ADCY8: variants seen among roughly 807,000 people sequenced by gnomAD.
ADCY8 encodes the protein adenylate cyclase type 8.
Under a neutral mutation model 119.7 loss-of-function variants are expected in ADCY8, and 51 were observed. The ratio of observed to expected loss-of-function variants is 0.43; its 90% confidence interval spans 0.34 to 0.54. ADCY8 has a LOEUF of 0.54. Among genes scored for constraint, ADCY8 ranks in the 20% least tolerant of loss-of-function variants. ADCY8 has a pLI of 0.03. For synonymous variants in ADCY8, 665 were observed against 651.0 expected (o/e 1.02, Z -0.33); for missense variants, 1,383 against 1,598.8 (o/e 0.87, Z 2.30).
chr8:130,913,342 A>G (rs894550201), intron 5 of ADCY8, among the ~76,000 whole-genome samples: 3 of 151,612 alleles, frequency 2.0e-5, no homozygotes, highest in Non-Finnish European at 4.4e-5. Flanking sequence ...CTAACCCCCC[A>G]CTACCCTTCC....
In ADCY8 at chr8:130,993,271, A is replaced by G. The variant is rs550923405; in HGVS notation, c.961-2729T>C. The stretch of plus-strand genomic sequence containing the variant: ...TCAGAAATACATAAAAATTCTGAAC[A>G]TCTACACATTTAATAGCACAGCCTC... On this transcript the variant is annotated intron_variant, in intron 1 of 17. Transcript: ENST00000286355. 3.1e-4 allele frequency among the ~76,000 whole-genome samples: 47 copies of G among 152,348 alleles called. 3 individuals are homozygous for G. The South Asian group carries it at 9.5e-3, about 31-fold the overall frequency.
chr8:130,780,689 T>A lies in ADCY8; in HGVS notation c.3457A>T (p.Ile1153Phe), dbSNP rs747285184. 1.2e-6 allele frequency: 2 copies of A among 1,614,030 alleles called. No individual in the cohort carries two copies. The highest frequency in any genetic ancestry group is 1.1e-5 in the South Asian group (1 of 91,082). The change falls in exon 18 of 18, where the codon ATC (isoleucine) becomes TTC (phenylalanine). Residue 1153 changes from isoleucine to phenylalanine, a missense_variant. By Grantham distance (21) the Ile-to-Phe change is conservative. Around this residue, in one of 2 missense-constraint regions of ADCY8, gnomAD observed 928 missense variants for 1,163.5 expected, o/e 0.80. Transcript: ENST00000286355. ...QGFAFDYRGE[I>F]YVKGISEQEG... ...TGTTCACTGATACCCTTCACATAGATCTCCCCTCGGTAATCAAAGGCAAAG... is the reference window on the plus strand; with the variant it reads ...TGTTCACTGATACCCTTCACATAGAACTCCCCTCGGTAATCAAAGGCAAAG...
Position 131,040,309 on chromosome 8 carries a change from G to A in ADCY8, c.25C>T (p.Leu9Phe), listed in dbSNP as rs755604334. MELSDVRC[L>F]TGSEELYTIH... ...GTGTAGAGTTCCTCGCTGCCTGTAA[G>A]GCAGCGCACATCGGAGAGCTCCATG... The change falls in exon 1 of 18, where the codon CTT (leucine) becomes TTT (phenylalanine). Residue 9 changes from leucine (L) to phenylalanine (F), a missense_variant. Physicochemically the swap from Leu to Phe is conservative, Grantham distance 22. Coordinates refer to ENST00000286355, the MANE Select transcript of ADCY8 (RefSeq NM_001115.3). 7 of 1,540,812 alleles carry A rather than the reference G, an allele frequency of 4.5e-6. No individual in the cohort carries two copies. The highest frequency in any genetic ancestry group is 1.2e-5 in the South Asian group (1 of 84,578).
chr8:130,919,679 G>A (rs978602875), intron 5 of ADCY8, among the ~76,000 whole-genome samples: 7 of 152,094 alleles, frequency 4.6e-5, no homozygotes, highest in African/African-American at 1.7e-4. Flanking sequence ...AACAGACAGG[G>A]GCTGACCTAG....
intron 5 of ADCY8, among the ~76,000 whole-genome samples, chr8:130,936,831 C>T (rs532973831): frequency 5.3e-5 from 8 of 152,288 alleles, no homozygotes; most frequent in African/African-American, 1.9e-4. Context: ...TGCATCTCCA[C>T]AAGGGCATTT....
chr8:131,021,364 C>T (rs1823661676), intron 1 of ADCY8, among the ~76,000 whole-genome samples: 1 of 152,086 alleles, frequency 6.6e-6, no homozygotes, highest in African/African-American at 2.4e-5. Flanking sequence ...TGACATCTGT[C>T]TACCAGGTAG....
chr8:130,995,891 ATGT>A (rs1474871452), intron 1 of ADCY8, among the ~76,000 whole-genome samples: 1 of 152,154 alleles, frequency 6.6e-6, no homozygotes, highest in Non-Finnish European at 1.5e-5. Context: ...TACAGAGATG[ATGT>A]TTGTTTTAGC....
chr8:130,842,244 A>T (rs1328725616), intron 11 of ADCY8, among the ~76,000 whole-genome samples: 1 of 152,076 alleles, frequency 6.6e-6, no homozygotes, highest in East Asian at 1.9e-4. Context: ...TAATTTGATT[A>T]TGATGTGCCT....
chr8:131,014,045 A>G (rs907581288), intron 1 of ADCY8, among the ~76,000 whole-genome samples: 2 of 152,232 alleles, frequency 1.3e-5, no homozygotes, highest in Non-Finnish European at 2.9e-5. Flanking sequence ...ATAACTTTAC[A>G]AAGTTTCTCA....
At chr8:130,884,178 G>T (rs933822381) in intron 8 of ADCY8, among the ~76,000 whole-genome samples, 4 of 152,194 alleles carry the variant, frequency 2.6e-5, no homozygotes, top group Admixed American at 2.6e-4. Context: ...CAAGTTATTG[G>T]GTGCCCTCAT....
At chr8:130,958,790 C>CT (rs1821512002) in intron 2 of ADCY8, among the ~76,000 whole-genome samples, 1 of 152,106 alleles carries the variant, frequency 6.6e-6, no homozygotes, top group Non-Finnish European at 1.5e-5. Flanking sequence ...ACAGCCAAAC[C>CT]ATATCACACT....
At chr8:130,822,556 ATCC>A (rs1459904724) in intron 12 of ADCY8, among the ~76,000 whole-genome samples, 1 of 150,980 alleles carries the variant, frequency 6.6e-6, no homozygotes, top group Non-Finnish European at 1.5e-5. Context: ...CCATCCATCC[ATCC>A]ATCCATCCAT....
At chr8:130,897,067 C>T (rs934065479) in intron 7 of ADCY8, among the ~76,000 whole-genome samples, 1 of 152,096 alleles carries the variant, frequency 6.6e-6, no homozygotes, top group African/African-American at 2.4e-5. Context: ...AAATCTGACT[C>T]CAACTCAGTT....
At chr8:130,812,943 T>C (rs1816214780) in intron 14 of ADCY8, among the ~76,000 whole-genome samples, 1 of 148,162 alleles carries the variant, frequency 6.7e-6, no homozygotes, top group South Asian at 2.1e-4. Context: ...CAATTTACCA[T>C]CTTGATCTTT....
At position 131,040,215 on chromosome 8, in the gene ADCY8, G is replaced by C. The variant is rs1415946149; in HGVS notation, c.119C>G (p.Thr40Arg). The C allele has an allele frequency of 6.5e-7, 1 of 1,538,440 alleles. No individual in the cohort carries two copies. The highest frequency in any genetic ancestry group is 8.7e-7 in the Non-Finnish European group (1 of 1,148,724). ...CTGCTCCGTGATGTGTCGCACCGCCGTCTGCCACAGCAGCCGCTGCGGCCG... is the reference window on the plus strand; with the variant it reads ...CTGCTCCGTGATGTGTCGCACCGCCCTCTGCCACAGCAGCCGCTGCGGCCG... Reference protein sequence around the residue: ...ASRPQRLLWQTAVRHITEQRF... With the variant: ...ASRPQRLLWQRAVRHITEQRF... The change falls in exon 1 of 18, where the codon ACG becomes AGG. Residue 40 changes from threonine (T) to arginine (R), a missense_variant. Physicochemically the swap from Thr to Arg is moderately conservative, Grantham distance 71 (BLOSUM62 -1). This residue lies in a region of ADCY8 where 455 missense variants were observed against 435.3 expected (regional missense o/e 1.05). Coordinates refer to ENST00000286355, the MANE Select transcript of ADCY8 (RefSeq NM_001115.3).
intron 1 of ADCY8, among the ~76,000 whole-genome samples, chr8:131,021,630 C>T (rs1249876147): frequency 6.6e-6 from 1 of 152,092 alleles, no homozygotes; most frequent in Non-Finnish European, 1.5e-5. Flanking sequence ...GAGCAGTTAC[C>T]TTCATGATGT....
intron 8 of ADCY8, among the ~76,000 whole-genome samples, chr8:130,873,974 T>C (rs911948496): frequency 2.6e-4 from 39 of 152,276 alleles, no homozygotes; most frequent in South Asian, 1.5e-3. Context: ...GTTAAATTCA[T>C]GCATTCTGTA....
intron 1 of ADCY8, among the ~76,000 whole-genome samples, chr8:131,014,348 A>G (rs1823402810): frequency 1.3e-5 from 2 of 152,234 alleles, no homozygotes; most frequent in Non-Finnish European, 2.9e-5. Flanking sequence ...ATGCTGAGTT[A>G]TATACCTTGT....
chr8:130,987,205 T>C (rs907989883), intron 2 of ADCY8, among the ~76,000 whole-genome samples: 1 of 152,196 alleles, frequency 6.6e-6, no homozygotes, highest in African/African-American at 2.4e-5. Flanking sequence ...GTGTACCCTT[T>C]ACTGCTTCTC....
Sources: allele counts gnomAD v4.1 joint callset (sites outside exome capture counted in the v4.1 genomes callset), GRCh38; gene constraint gnomAD v4.1.1; regional missense constraint gnomAD v4.1.1; transcripts MANE v1.5; gene names NCBI Gene and HGNC (gene_info 2026-07-23, HGNC 2026-07-21).